Variants in RSPRY1 observed in about 807,000 individuals in gnomAD.
RSPRY1 encodes the protein ring finger and SPRY domain containing 1.
In RSPRY1, 23 loss-of-function variants were observed where a neutral mutation model predicts 73.1. The observed-to-expected ratio is 0.31, with a 90% CI of 0.23 to 0.45. The LOEUF is 0.45. Among genes scored for constraint, RSPRY1 ranks in the 20% least tolerant of loss-of-function variants. RSPRY1 has a pLI of 1.00. For missense variants in RSPRY1, 448 were observed against 698.7 expected (o/e 0.64, Z 4.05); for synonymous variants, 226 against 251.4 (o/e 0.90, Z 0.95).
intron 7 of RSPRY1, among the ~76,000 whole-genome samples, 162 bp from the exon 8 acceptor site, chr16:57,216,742 G>A: frequency 6.6e-6 from 1 of 152,230 alleles, no homozygotes; most frequent in African/African-American, 2.4e-5. Flanking sequence ...AAACAAAATA[G>A]TCAAAGCTCT....
chr16:57,192,180 T>C (rs1317689124), intron 1 of RSPRY1, among the ~76,000 whole-genome samples: 1 of 152,230 alleles, frequency 6.6e-6, no homozygotes, highest in East Asian at 1.9e-4. Flanking sequence ...TCATTTAAAG[T>C]AGACATCATT....
chr16:57,232,326 T>C (rs1166484437), intron 13 of RSPRY1, among the ~76,000 whole-genome samples: 1 of 152,154 alleles, frequency 6.6e-6, no homozygotes, highest in East Asian at 1.9e-4. Flanking sequence ...AATGGGACGA[T>C]GATGGTAGTG....
At chr16:57,201,313 T>C (rs1432919478) in intron 1 of RSPRY1, among the ~76,000 whole-genome samples, 1 of 141,876 alleles carries the variant, frequency 7.0e-6, no homozygotes, top group East Asian at 2.1e-4. Context: ...GTCTCCTCAC[T>C]TCTCAGACGG....
chr16:57,201,311 A>G (rs2074597477), intron 1 of RSPRY1, among the ~76,000 whole-genome samples: 2 of 142,522 alleles, frequency 1.4e-5, no homozygotes, highest in South Asian at 4.2e-4. Context: ...GGGTCTCCTC[A>G]CTTCTCAGAC....
intron 11 of RSPRY1, among the ~76,000 whole-genome samples, chr16:57,229,048 T>C (rs1312481870): frequency 2.6e-5 from 4 of 152,240 alleles, no homozygotes; most frequent in Non-Finnish European, 5.9e-5. Context: ...AGTTGTACTA[T>C]GATATACTAA....
intron 14 of RSPRY1, among the ~76,000 whole-genome samples, chr16:57,235,619 C>G (rs1173551931): frequency 6.6e-6 from 1 of 152,130 alleles, no homozygotes; most frequent in African/African-American, 2.4e-5. Context: ...CAGCCTGGAC[C>G]CTATAGAACA....
chr16:57,232,825 A>T (rs2075246229), intron 13 of RSPRY1, among the ~76,000 whole-genome samples: 1 of 152,220 alleles, frequency 6.6e-6, no homozygotes, highest in South Asian at 2.1e-4. Flanking sequence ...CTTGTCTTGA[A>T]TAAGAACAGC....
At chr16:57,198,094 G>A (rs1225999800) in intron 1 of RSPRY1, among the ~76,000 whole-genome samples, 10 of 151,830 alleles carry the variant, frequency 6.6e-5, no homozygotes, top group Non-Finnish European at 1.5e-4. Flanking sequence ...CCTTAAAATT[G>A]TACTAAATGG....
chr16:57,216,749 C>G (rs2074948184), intron 7 of RSPRY1, among the ~76,000 whole-genome samples, 155 bp from the exon 8 acceptor site: 2 of 152,244 alleles, frequency 1.3e-5, no homozygotes, highest in Non-Finnish European at 2.9e-5. Flanking sequence ...ATAGTCAAAG[C>G]TCTTTGGCTA....
At chr16:57,211,583 A>C (rs75668550) in intron 4 of RSPRY1, among the ~76,000 whole-genome samples, 2,673 of 152,280 alleles carry the variant, frequency 0.018, 61 homozygotes, top group African/African-American at 0.059. Context: ...ACAACAACAA[A>C]AAAAAGTTAA....
chr16:57,215,136 T>G (rs1390190528), intron 6 of RSPRY1, among the ~76,000 whole-genome samples: 1 of 152,026 alleles, frequency 6.6e-6, no homozygotes, highest in African/African-American at 2.4e-5. Flanking sequence ...TGGGTCATGC[T>G]ATAGATGAGG....
chr16:57,240,071 G>A lies in RSPRY1; in HGVS notation c.*1096G>A, dbSNP rs2075355773. 6.6e-6 allele frequency: 1 copy of A among 152,112 alleles called. No homozygotes were observed. The highest frequency in any genetic ancestry group is 1.5e-5 in the Non-Finnish European group (1 of 68,032). 9.4% of individuals were successfully genotyped at this position (152,112 alleles called of 1,614,324 possible). A position where few individuals can be genotyped will look rare whatever the true frequency, so the allele number is the denominator to read the frequency against. On this transcript the variant is annotated 3_prime_UTR_variant, in exon 15 of 15. Transcript: ENST00000394420. ...TCCCAGGAAATTGGAAGGTAGAATT[G>A]TAAATTCATAGAACTTCTTTTATAA...
At position 57,209,064 on chromosome 16, in the gene RSPRY1, T is replaced by C; in HGVS notation, c.404-11T>C. On this transcript the variant is annotated splice_polypyrimidine_tract_variant and intron_variant, in intron 3 of 14. Transcript: ENST00000394420. ...TGACTCCATCATATAATCTTCTTGA[T>C]TTGCTCTTAGATGAAGGATGGTTGG... The C allele has an allele frequency of 6.4e-7, 1 of 1,553,870 alleles. No individual in the cohort carries two copies. Among genetic ancestry groups the C allele is most frequent in the South Asian group, 1.1e-5 (1 of 87,632 alleles).
intron 2 of RSPRY1, chr16:57,207,729 GGC>G (rs1377641549): frequency 2.1e-6 from 1 of 476,148 alleles, no homozygotes; most frequent in Non-Finnish European, 4.2e-6. Context: ...TGTCTCAGTT[GGC>G]ACTGGGCCTC....
rs1004406866 is a variant in RSPRY1 at position 57,240,104 on chromosome 16, C to T, written c.*1129C>T. 1 of 152,008 alleles carries T rather than the reference C, an allele frequency of 6.6e-6. No homozygotes were observed. The highest frequency in any genetic ancestry group is 6.6e-5 in the Admixed American group (1 of 15,258). The allele number at this position is 152,008 out of a possible 1,614,324, so 9.4% of individuals were successfully genotyped here. On this transcript the variant is annotated 3_prime_UTR_variant, in exon 15 of 15. Coordinates refer to ENST00000394420, the MANE Select transcript of RSPRY1 (RefSeq NM_133368.3). ...ATAGAACTTCTTTTATAATGGTGTA[C>T]CTCAGCAGCTGCCTTTCAATTTATG...
intron 5 of RSPRY1, among the ~76,000 whole-genome samples, chr16:57,213,657 T>C (rs2074887140): frequency 6.6e-6 from 1 of 152,256 alleles, no homozygotes; most frequent in African/African-American, 2.4e-5. Flanking sequence ...ATGTGGCTAC[T>C]GGTTTGGACT....
intron 11 of RSPRY1, 40 bp from the exon 12 acceptor site, chr16:57,230,671 A>G: frequency 8.9e-7 from 1 of 1,119,930 alleles, no homozygotes; most frequent in South Asian, 1.2e-5. Flanking sequence ...TCCTGGTAGT[A>G]CACATCATTA....
chr16:57,215,899 GA>G lies in RSPRY1; in HGVS notation c.703-201del, dbSNP rs878865465. Reference sequence around the variant, plus strand: ...CTATAAATTAACCTAGTGACTTTAAGAAAAAAATACAAGATTAAGAGAGCCT... The same window carrying G: ...CTATAAATTAACCTAGTGACTTTAAGAAAAAATACAAGATTAAGAGAGCCT... On this transcript the variant is annotated intron_variant, in intron 6 of 14. Coordinates refer to ENST00000394420, the MANE Select transcript of RSPRY1 (RefSeq NM_133368.3). 3.7e-4 allele frequency among the ~76,000 whole-genome samples: 56 copies of G among 151,936 alleles called. 1 individual carries two copies. In the South Asian group the frequency reaches 3.7e-3, roughly 10 times the overall value.
intron 14 of RSPRY1, among the ~76,000 whole-genome samples, chr16:57,237,165 A>AT (rs1316437873): frequency 6.6e-6 from 1 of 151,866 alleles, no homozygotes; most frequent in African/African-American, 2.4e-5. Flanking sequence ...TTTTTTTGAG[A>AT]TGGAGTCTTG....
Sources: allele counts gnomAD v4.1 joint callset (sites outside exome capture counted in the v4.1 genomes callset), GRCh38; gene constraint gnomAD v4.1.1; transcripts MANE v1.5; gene names NCBI Gene and HGNC (gene_info 2026-07-23, HGNC 2026-07-21).